Variants in KLHL13 observed in about 807,000 individuals in gnomAD.
KLHL13 encodes the protein kelch-like protein 13.
A neutral mutation model predicts 37.1 loss-of-function variants in KLHL13; 10 were observed. That is an observed-to-expected ratio of 0.27 (90% CI 0.17 to 0.46). The LOEUF is 0.46. Among genes scored for constraint, KLHL13 ranks in the 20% least tolerant of loss-of-function variants. KLHL13 has a pLI of 1.00. For missense variants in KLHL13, 360 were observed against 509.3 expected (o/e 0.71, Z 2.82); for synonymous variants, 163 against 181.2 (o/e 0.90, Z 0.81).
intron 1 of KLHL13, among the ~76,000 whole-genome samples, chrX:118,114,689 A>C: frequency 8.9e-6 from 1 of 112,041 alleles, no homozygotes. Flanking sequence ...TCAGGAATTT[A>C]CCAAATCAAT....
At chrX:118,110,220 T>G (rs907506609) in intron 1 of KLHL13, among the ~76,000 whole-genome samples, 1 of 110,583 alleles carries the variant, frequency 9.0e-6, no homozygotes, top group African/African-American at 3.3e-5. Flanking sequence ...TGCATGTTTT[T>G]AATCTTAATG....
exon 1 of KLHL13, chrX:117,972,812 T>C: frequency 8.3e-7 from 1 of 1,211,454 alleles, no homozygotes; most frequent in African/African-American, 1.7e-5. Context: ...AGAGCTCGTT[T>C]TCCATTTCAA....
intron 1 of KLHL13, among the ~76,000 whole-genome samples, chrX:118,097,834 T>C (rs1262246598): frequency 8.9e-6 from 1 of 111,792 alleles, no homozygotes; most frequent in African/African-American, 3.3e-5. Context: ...GGGGAAAGGA[T>C]TCCCTATTTA....
intron 2 of KLHL13, among the ~76,000 whole-genome samples, chrX:117,940,356 A>G (rs1932955320): frequency 9.0e-6 from 1 of 111,469 alleles, no homozygotes; most frequent in Non-Finnish European, 1.9e-5. Context: ...CTTGTAGTAT[A>G]GTTTGAAGTC....
intron 4 of KLHL13, among the ~76,000 whole-genome samples, chrX:117,917,413 CA>C (rs60405410): frequency 0.41 from 38,461 of 93,442 alleles, 6,171 homozygotes; most frequent in African/African-American, 0.62. Flanking sequence ...GCAAAGGATG[CA>C]AAAAAAAAAA....
intron 1 of KLHL13, among the ~76,000 whole-genome samples, chrX:118,110,377 C>CTTTTTTTTTTTTT (rs1054663520): frequency 7.3e-5 from 6 of 82,521 alleles, no homozygotes; most frequent in Non-Finnish European, 9.2e-5. Context: ...ATTTCTTTTT[C>CTTTTTTTTTTTTT]TTTTTTTTTT....
chrX:118,040,126 TC>T (rs767826547), intron 1 of KLHL13, among the ~76,000 whole-genome samples: 2 of 111,320 alleles, frequency 1.8e-5, no homozygotes, highest in South Asian at 7.6e-4. Flanking sequence ...TGGAAAGCCT[TC>T]CCAGGAAGGA....
intron 4 of KLHL13, among the ~76,000 whole-genome samples, chrX:117,915,802 T>C (rs1313997586): frequency 4.4e-5 from 5 of 112,420 alleles, no homozygotes; most frequent in Non-Finnish European, 9.4e-5. Flanking sequence ...GGGCAAATGC[T>C]AGATGCTAAA....
chrX:117,969,319 T>C (rs1366697082), intron 1 of KLHL13, among the ~76,000 whole-genome samples: 1 of 112,029 alleles, frequency 8.9e-6, no homozygotes, highest in African/African-American at 3.2e-5. Flanking sequence ...TAACAAGGCA[T>C]TAACCCTATA....
chrX:117,991,137 T>TAAAAAAAAAAAAAA lies in KLHL13; in HGVS notation c.-55-45563_-55-45562insTTTTTTTTTTTTTT, dbSNP rs750755409. On this transcript the variant is annotated intron_variant, in intron 1 of 6. Coordinates refer to the KLHL13 transcript ENST00000371882. ...AAGGCTGGAAATTTTCATTAAAAAG[T>TAAAAAAAAAAAAAA]AAAAAAAAAAAAGTCTTATAAATGA... Among the ~76,000 whole-genome samples the TAAAAAAAAAAAAAA allele has an allele frequency of 4.3e-4, 36 of 83,872 alleles. 3 individuals carry two copies. The highest frequency in any genetic ancestry group is 2.5e-3 in the African/African-American group (33 of 13,318). The allele number at this position is 83,872 out of a possible 115,157, so 72.8% of individuals were successfully genotyped here. A position where few individuals can be genotyped will look rare whatever the true frequency, so the allele number is the denominator to read the frequency against.
intron 1 of KLHL13, among the ~76,000 whole-genome samples, chrX:118,102,790 G>C (rs2055305207): frequency 1.8e-5 from 2 of 112,087 alleles, no homozygotes; most frequent in African/African-American, 3.2e-5. Context: ...AACCATTTAA[G>C]ACTTTACCAT....
At chrX:118,027,050 A>G (rs1328887079) in intron 1 of KLHL13, among the ~76,000 whole-genome samples, 1 of 112,006 alleles carries the variant, frequency 8.9e-6, no homozygotes, top group Non-Finnish European at 1.9e-5. Context: ...GACTGGTCAC[A>G]AGCAAAAGTC....
chrX:118,103,439 T>C (rs1286313773), intron 1 of KLHL13, among the ~76,000 whole-genome samples: 2 of 110,991 alleles, frequency 1.8e-5, no homozygotes, highest in African/African-American at 6.5e-5. Context: ...GGCCCCTGAG[T>C]AGAAACAACC....
At chrX:118,050,693 T>C (rs2054604273) in intron 1 of KLHL13, among the ~76,000 whole-genome samples, 2 of 112,218 alleles carry the variant, frequency 1.8e-5, no homozygotes, top group African/African-American at 6.5e-5. Flanking sequence ...ATCTTACCCA[T>C]GGATGTTAAC....
chrX:117,967,279 G>A (rs991986301), intron 1 of KLHL13, among the ~76,000 whole-genome samples: 14 of 111,508 alleles, frequency 1.3e-4, no homozygotes, highest in African/African-American at 4.6e-4. Context: ...AAAGTCTTGA[G>A]GATATAAAGC....
At chrX:117,944,448 T>C (rs1415851003) in intron 2 of KLHL13, among the ~76,000 whole-genome samples, 2 of 111,288 alleles carry the variant, frequency 1.8e-5, no homozygotes, top group Non-Finnish European at 3.8e-5. Flanking sequence ...AAGAGTCACA[T>C]TTTGGAGATA....
chrX:118,098,468 C>T (rs2055240861), intron 1 of KLHL13, among the ~76,000 whole-genome samples: 1 of 111,042 alleles, frequency 9.0e-6, no homozygotes, highest in African/African-American at 3.3e-5. Context: ...CACTTTTACA[C>T]TGTTGGTGGG....
chrX:118,025,274 C>T lies in KLHL13; in HGVS notation c.-55-79699G>A, dbSNP rs6646034. 7.0e-3 allele frequency among the ~76,000 whole-genome samples: 783 copies of T among 111,791 alleles called. 6 individuals are homozygous for T. The highest frequency in any genetic ancestry group is 0.022 in the African/African-American group (687 of 30,814). The stretch of plus-strand genomic sequence containing the variant: ...TTTCACTTTCCCCTGGTTTCAGTTA[C>T]CCATGGTCAACCACATTCTAAAGAA... On this transcript the variant is annotated intron_variant, in intron 1 of 6. Coordinates refer to the KLHL13 transcript ENST00000371882.
chrX:117,953,660 T>A (rs1411509420), intron 1 of KLHL13, among the ~76,000 whole-genome samples: 1 of 111,515 alleles, frequency 9.0e-6, no homozygotes, highest in African/African-American at 3.3e-5. Flanking sequence ...TGAACCCACA[T>A]CTGAATCCAG....
Sources: allele counts gnomAD v4.1 joint callset (sites outside exome capture counted in the v4.1 genomes callset), GRCh38; gene constraint gnomAD v4.1.1; transcripts MANE v1.5; gene names NCBI Gene and HGNC (gene_info 2026-07-23, HGNC 2026-07-21).